The following ARHGAP17 variants were observed in gnomAD, a reference collection of about 807,000 sequenced individuals.
The protein encoded by ARHGAP17 is Rho GTPase activating protein 17.
ARHGAP17 carries 57 observed loss-of-function variants against 99.5 expected under a neutral mutation model. The ratio of observed to expected loss-of-function variants is 0.57; its 90% CI spans 0.46 to 0.71. The LOEUF (loss-of-function observed/expected upper bound fraction) is 0.71. Among genes scored for constraint, ARHGAP17 ranks in the 30% least tolerant of loss-of-function variants. The probability of loss-of-function intolerance (pLI) is 0.00; values close to 1 mark genes in which losing one functional copy is unlikely to be tolerated. For synonymous variants in ARHGAP17, 417 were observed against 429.6 expected, an observed-to-expected ratio of 0.97 and a Z score of 0.36; for missense variants, 1,000 against 1,122.4, an observed-to-expected ratio of 0.89 and a Z score of 1.56.
intron 12 of ARHGAP17, among the ~76,000 whole-genome samples, chr16:24,951,209 G>C (rs2051634291): frequency 6.6e-6 from 1 of 152,204 alleles, no homozygotes; most frequent in African/African-American, 2.4e-5. Context: ...GAGGGAAAGG[G>C]ACGAAGTAGA....
rs1177614713 is a variant in ARHGAP17, at chr16:24,950,836, C to CAAAAAAAAA, written c.1047-1361_1047-1353dup. ...TGGGCGACAGAGTGGGACTCCAACT[C>CAAAAAAAAA]AAAAAAAAAAAAAAAAAAAAAAGAA... On this transcript the variant is annotated intron_variant, in intron 12 of 19. Transcript: ENST00000289968. Among the ~76,000 whole-genome samples, 44 of 39,374 alleles carry CAAAAAAAAA rather than the reference C, an allele frequency of 1.1e-3. 1 individual carries two copies. The highest frequency in any genetic ancestry group is 2.7e-3 in the African/African-American group (26 of 9,528). 25.8% of individuals were successfully genotyped at this position (39,374 alleles called of 152,430 possible).
At chr16:25,015,140 CCCGCCCCCGCGCCCT>C (rs987767522) in intron 1 of ARHGAP17, 54 bp downstream of exon 1, 11 of 1,178,336 alleles carry the variant, frequency 9.3e-6, no homozygotes, top group African/African-American at 7.2e-5. Flanking sequence ...GAGGAGCCGT[CCCGCCCCCGCGCCCT>C]CCGCCCTCCG....
intron 1 of ARHGAP17, among the ~76,000 whole-genome samples, chr16:24,992,078 T>C (rs541717969): frequency 1.5e-4 from 23 of 152,070 alleles, no homozygotes; most frequent in African/African-American, 5.1e-4. Flanking sequence ...GTGTACATAG[T>C]AGGGTACAGA....
intron 12 of ARHGAP17, among the ~76,000 whole-genome samples, chr16:24,950,849 A>AG (rs1567224862): frequency 6.6e-6 from 1 of 151,282 alleles, no homozygotes; most frequent in African/African-American, 2.4e-5. Flanking sequence ...AAAAAAAAAA[A>AG]AAAAAAAAAG....
At chr16:24,932,818 G>A (rs1404948588) in intron 18 of ARHGAP17, among the ~76,000 whole-genome samples, 1 of 152,024 alleles carries the variant, frequency 6.6e-6, no homozygotes, top group African/African-American at 2.4e-5. Context: ...TAGGGGGAAA[G>A]GAGAGATTTT....
intron 2 of ARHGAP17, among the ~76,000 whole-genome samples, chr16:24,978,555 G>A (rs1469699004): frequency 3.3e-5 from 5 of 152,206 alleles, no homozygotes. Flanking sequence ...TGCAGTGGCA[G>A]TAATAATAAT....
intron 16 of ARHGAP17, among the ~76,000 whole-genome samples, chr16:24,941,191 G>A (rs1256499598): frequency 1.3e-5 from 2 of 152,148 alleles, no homozygotes; most frequent in Non-Finnish European, 2.9e-5. Flanking sequence ...CTATAAGACT[G>A]AGCAATTAAA....
intron 13 of ARHGAP17, among the ~76,000 whole-genome samples, chr16:24,948,651 C>G (rs939884455): frequency 6.6e-6 from 1 of 151,934 alleles, no homozygotes; most frequent in African/African-American, 2.4e-5. Flanking sequence ...ATTTAAAAGG[C>G]AGTATGTAGC....
At chr16:24,939,838 CTA>C (rs988126137) in intron 16 of ARHGAP17, 6 of 559,620 alleles carry the variant, frequency 1.1e-5, no homozygotes, top group Non-Finnish European at 1.9e-5. Context: ...GTGTGAGCAG[CTA>C]AAAGCAAATA....
chr16:24,950,536 G>C (rs1037005802), intron 12 of ARHGAP17, among the ~76,000 whole-genome samples: 1 of 152,122 alleles, frequency 6.6e-6, no homozygotes, highest in Non-Finnish European at 1.5e-5. Flanking sequence ...CACAATTACA[G>C]AGAAAAGCTC....
chr16:24,978,200 T>G (rs2052573960), intron 2 of ARHGAP17, among the ~76,000 whole-genome samples: 1 of 152,066 alleles, frequency 6.6e-6, no homozygotes, highest in African/African-American at 2.4e-5. Context: ...ATGAACAAAT[T>G]CCATGATTTA....
At chr16:25,008,297 T>C (rs1355161366) in intron 1 of ARHGAP17, among the ~76,000 whole-genome samples, 1 of 152,222 alleles carries the variant, frequency 6.6e-6, no homozygotes, top group Non-Finnish European at 1.5e-5. Flanking sequence ...TATATGTATA[T>C]ATATTTTGCT....
In ARHGAP17 at chr16:24,939,405, G is replaced by T. The variant is rs144901655; in HGVS notation, c.1683C>A (p.Ser561=). 3.1e-6 allele frequency: 5 copies of T among 1,610,706 alleles called. No homozygotes were observed. The Admixed American group carries it at 8.3e-5, about 27-fold the overall frequency. ...SSSGGGTVPS[S]AGILEQGPSP... ...TCGGCCCCTGCTCCAGTATGCCCGCGGAAGAGGGGACAGTCCCACCCCCAG... is the reference window on the plus strand; with the variant it reads ...TCGGCCCCTGCTCCAGTATGCCCGCTGAAGAGGGGACAGTCCCACCCCCAG... The change falls in exon 17 of 20, where the codon TCC becomes TCA. Residue 561 remains serine, a synonymous_variant. Coordinates refer to ENST00000289968, the MANE Select transcript of ARHGAP17 (RefSeq NM_001006634.3).
intron 7 of ARHGAP17, 32 bp from the exon 8 acceptor site, chr16:24,960,011 G>A (rs761893104): frequency 1.1e-5 from 18 of 1,602,156 alleles, no homozygotes; most frequent in Admixed American, 1.7e-5. Flanking sequence ...GGTTATTGAA[G>A]AAAAAAGAAG....
At chr16:24,949,152 T>TTAA in intron 13 of ARHGAP17, 1 of 346,184 alleles carries the variant, frequency 2.9e-6, no homozygotes. Flanking sequence ...AATTTATTGC[T>TTAA]AATAGCTGTA....
intron 19 of ARHGAP17, among the ~76,000 whole-genome samples, chr16:24,924,778 G>A (rs960262117): frequency 1.3e-5 from 2 of 151,842 alleles, no homozygotes; most frequent in Admixed American, 6.6e-5. Context: ...CAGGAGAATC[G>A]CTTGAACCTG....
chr16:24,989,593 G>A (rs562053344), intron 1 of ARHGAP17, among the ~76,000 whole-genome samples: 1 of 152,126 alleles, frequency 6.6e-6, no homozygotes, highest in South Asian at 2.1e-4. Context: ...GGCTTTGGGG[G>A]TGGGGGGAAT....
intron 6 of ARHGAP17, among the ~76,000 whole-genome samples, chr16:24,968,103 T>C (rs1402758655): frequency 2.0e-5 from 3 of 152,234 alleles, no homozygotes; most frequent in Non-Finnish European, 4.4e-5. Context: ...TTCCGTTAAA[T>C]ATACTCACTT....
chr16:24,937,400 C>A (rs557260471), intron 17 of ARHGAP17, among the ~76,000 whole-genome samples: 1 of 152,008 alleles, frequency 6.6e-6, no homozygotes, highest in East Asian at 1.9e-4. Flanking sequence ...CCAGCCTGGG[C>A]AACAGAGCGA....
Sources: allele counts gnomAD v4.1 joint callset (sites outside exome capture counted in the v4.1 genomes callset), GRCh38; gene constraint gnomAD v4.1.1; transcripts MANE v1.5; gene names NCBI Gene and HGNC (gene_info 2026-07-23, HGNC 2026-07-21).